Variants in COG5 observed in about 807,000 individuals in gnomAD.
COG5 encodes the protein component of oligomeric golgi complex 5.
COG5 carries 86 observed loss-of-function variants against 110.4 expected under a neutral mutation model. The ratio of observed to expected loss-of-function variants is 0.78; its 90% confidence interval spans 0.65 to 0.93. The LOEUF is 0.93. COG5 is among the 40% of genes least tolerant of loss of function. The pLI is 0.00. For missense variants in COG5, 1,077 were observed against 987.0 expected (o/e 1.09, Z -1.22); for synonymous variants, 360 against 334.6 (o/e 1.08, Z -0.83).
chr7:107,454,334 T>A (rs1354290475), intron 6 of COG5, among the ~76,000 whole-genome samples: 1 of 152,096 alleles, frequency 6.6e-6, no homozygotes, highest in Non-Finnish European at 1.5e-5. Context: ...CCTCTGGGAG[T>A]TGCAGGCTGC....
At chr7:107,352,559 T>C (rs1436904020) in intron 10 of COG5, among the ~76,000 whole-genome samples, 2 of 135,050 alleles carry the variant, frequency 1.5e-5, no homozygotes, top group Non-Finnish European at 3.3e-5. Context: ...CTATTCAATA[T>C]TTTAATCAAA....
At chr7:107,348,125 C>CAAAA (rs34140927) in intron 10 of COG5, among the ~76,000 whole-genome samples, 28 of 51,206 alleles carry the variant, frequency 5.5e-4, no homozygotes, top group East Asian at 1.8e-3. Context: ...GACTCCATCT[C>CAAAA]AAAAAAAAAA....
At chr7:107,506,302 C>A (rs753543649) in intron 6 of COG5, among the ~76,000 whole-genome samples, 1 of 152,168 alleles carries the variant, frequency 6.6e-6, no homozygotes, top group Non-Finnish European at 1.5e-5. Context: ...TACCCAGGGG[C>A]AGTGCTTTGG....
chr7:107,236,719 C>T (rs533834743), intron 17 of COG5, 32 bp from the exon 18 acceptor site: 16 of 1,369,480 alleles, frequency 1.2e-5, no homozygotes, highest in Admixed American at 8.4e-5. Context: ...TTTTCAGCAC[C>T]GCTGCACTAA....
At chr7:107,491,581 G>A (rs1797976846) in intron 6 of COG5, among the ~76,000 whole-genome samples, 1 of 152,044 alleles carries the variant, frequency 6.6e-6, no homozygotes, top group Non-Finnish European at 1.5e-5. Context: ...TTTTAGCAAA[G>A]GAACTTTTTC....
intron 7 of COG5, among the ~76,000 whole-genome samples, chr7:107,399,461 C>A (rs1791266136): frequency 6.6e-6 from 1 of 151,938 alleles, no homozygotes; most frequent in South Asian, 2.1e-4. Context: ...GAGTTTTCAC[C>A]AGACTTGATG....
intron 6 of COG5, among the ~76,000 whole-genome samples, chr7:107,524,591 A>G (rs1031786637): frequency 1.2e-4 from 18 of 152,334 alleles, no homozygotes; most frequent in African/African-American, 4.3e-4. Context: ...TTTTACTCAA[A>G]TATTAATTCC....
intron 12 of COG5, among the ~76,000 whole-genome samples, chr7:107,289,075 C>G (rs1584626959): frequency 1.3e-5 from 2 of 150,926 alleles, no homozygotes; most frequent in East Asian, 3.9e-4. Context: ...ATTTTCTCAC[C>G]TCAGCTTCCC....
At position 107,399,323 on chromosome 7, in the gene COG5, G is replaced by A. The variant is rs184737522; in HGVS notation, c.669+13179C>T. 5.9e-5 allele frequency among the ~76,000 whole-genome samples: 9 copies of A among 152,302 alleles called. No homozygotes were observed. The East Asian group carries it at 1.5e-3, about 26-fold the overall frequency. ...AAAATATTTATGATATGGTTTGGCA[G>A]TGACCCCACCCAAATCTCATCTTGA... On this transcript the variant is annotated intron_variant, in intron 7 of 21. Transcript: ENST00000297135.
intron 10 of COG5, among the ~76,000 whole-genome samples, chr7:107,338,019 T>G (rs1270436787): frequency 2.0e-5 from 3 of 152,150 alleles, no homozygotes; most frequent in Non-Finnish European, 4.4e-5. Flanking sequence ...GTTACCATAA[T>G]GCACTGAACA....
intron 19 of COG5, among the ~76,000 whole-genome samples, chr7:107,229,979 T>C (rs1173606149): frequency 2.0e-5 from 3 of 151,782 alleles, no homozygotes; most frequent in Non-Finnish European, 2.9e-5. Context: ...GCCTCCCCAG[T>C]AGCTGGAACT....
intron 5 of COG5, among the ~76,000 whole-genome samples, chr7:107,529,750 T>G (rs1481251789): frequency 6.6e-6 from 1 of 152,104 alleles, no homozygotes; most frequent in Non-Finnish European, 1.5e-5. Flanking sequence ...TCTAAAGCCT[T>G]TTTAAATAAA....
chr7:107,205,164 C>T (rs1294382865), intron 21 of COG5, among the ~76,000 whole-genome samples: 2 of 152,174 alleles, frequency 1.3e-5, no homozygotes, highest in Non-Finnish European at 2.9e-5. Context: ...GAGATTTCCC[C>T]TGAAGTATTA....
intron 14 of COG5, among the ~76,000 whole-genome samples, chr7:107,280,255 C>T (rs759012123): frequency 2.0e-5 from 3 of 151,932 alleles, no homozygotes; most frequent in Admixed American, 2.0e-4. Flanking sequence ...AAAGATGCTT[C>T]TAAGATGATT....
intron 7 of COG5, among the ~76,000 whole-genome samples, chr7:107,382,206 A>G (rs1815186390): frequency 6.6e-6 from 1 of 152,148 alleles, no homozygotes. Context: ...TAACAGGTCC[A>G]GGAGCTCCAA....
intron 7 of COG5, among the ~76,000 whole-genome samples, chr7:107,381,276 G>A (rs1815093406): frequency 6.6e-6 from 1 of 152,170 alleles, no homozygotes; most frequent in African/African-American, 2.4e-5. Flanking sequence ...TGGCTTTTCA[G>A]ATAGTGCAGA....
At position 107,298,167 on chromosome 7, in the gene COG5, A is replaced by G; in HGVS notation, c.1288T>C (p.Phe430Leu). The G allele has an allele frequency of 1.9e-6, 3 of 1,609,942 alleles. No individual in the cohort carries two copies. Among genetic ancestry groups the G allele is most frequent in the Non-Finnish European group, 2.5e-6 (3 of 1,177,558 alleles). ...TCATAATCTGGCTTTTTTGGTATGA[A>G]TATATCTTGTGCATCATCTTCCATG... Reference protein sequence around the residue: ...QHMEDDAQDIFIPKKPDYDPE... With the variant: ...QHMEDDAQDILIPKKPDYDPE... Residue 430 changes from phenylalanine to leucine, a missense_variant, in exon 12 of 22, where the codon TTC becomes CTC. Phe to Leu is a conservative substitution (Grantham distance 22). Transcript: ENST00000297135.
At chr7:107,289,955 C>G (rs910902447) in intron 12 of COG5, among the ~76,000 whole-genome samples, 1 of 152,166 alleles carries the variant, frequency 6.6e-6, no homozygotes, top group African/African-American at 2.4e-5. Context: ...TGTTCCCAAA[C>G]AGCTGCAAGA....
intron 14 of COG5, 180 bp from the exon 15 acceptor site, chr7:107,258,563 C>G (rs1251693687): frequency 3.2e-6 from 2 of 620,458 alleles, no homozygotes; most frequent in Non-Finnish European, 5.8e-6. Flanking sequence ...AAGCTTTGGA[C>G]TTGAGGTAAA....
Sources: allele counts gnomAD v4.1 joint callset (sites outside exome capture counted in the v4.1 genomes callset), GRCh38; gene constraint gnomAD v4.1.1; transcripts MANE v1.5; gene names NCBI Gene and HGNC (gene_info 2026-07-23, HGNC 2026-07-21).